The following PHACTR3 variants were observed in gnomAD, a reference collection of about 807,000 sequenced individuals.
PHACTR3 encodes protein phosphatase 1, regulatory subunit 123.
Under a neutral mutation model 66.8 loss-of-function variants are expected in PHACTR3, and 16 were observed. The ratio of observed to expected loss-of-function variants is 0.24; its 90% CI spans 0.16 to 0.36. The LOEUF (loss-of-function observed/expected upper bound fraction) is 0.36. Among genes scored for constraint, PHACTR3 ranks in the 10% least tolerant of loss-of-function variants. PHACTR3 has a pLI of 1.00. For synonymous variants in PHACTR3, 323 were observed against 292.1 expected (o/e 1.11, Z -1.08); for missense variants, 647 against 719.9 (o/e 0.90, Z 1.16).
At position 59,642,985 on chromosome 20, in the gene PHACTR3, C is replaced by A. The variant is rs143202948; in HGVS notation, c.118+37853C>A. 3.0e-3 allele frequency among the ~76,000 whole-genome samples: 457 copies of A among 152,252 alleles called. 1 individual carries two copies. Among genetic ancestry groups the A allele is most frequent in the Middle Eastern group, 0.014 (4 of 294 alleles). On this transcript the variant is annotated intron_variant, in intron 1 of 12. Transcript: ENST00000371015. Reference sequence around the variant, plus strand: ...GGAGTGCAGTGGCACGATCTTGGCTCACTGCAAGCACCACCTCCCAGGTTC... The same window carrying A: ...GGAGTGCAGTGGCACGATCTTGGCTAACTGCAAGCACCACCTCCCAGGTTC...
At chr20:59,776,816 C>G (rs1257539932) in intron 7 of PHACTR3, among the ~76,000 whole-genome samples, 2 of 150,148 alleles carry the variant, frequency 1.3e-5, no homozygotes, top group Non-Finnish European at 3.0e-5. Context: ...CAAAGCACAT[C>G]TAGCAGCACC....
At chr20:59,655,829 T>TTGC (rs940762768) in intron 1 of PHACTR3, among the ~76,000 whole-genome samples, 1 of 151,890 alleles carries the variant, frequency 6.6e-6, no homozygotes, top group African/African-American at 2.4e-5. Context: ...TTCATAAATT[T>TTGC]TGCTTCATTG....
At chr20:59,823,788 A>G (rs1405823373) in intron 8 of PHACTR3, among the ~76,000 whole-genome samples, 3 of 152,136 alleles carry the variant, frequency 2.0e-5, no homozygotes, top group African/African-American at 4.8e-5. Context: ...GCCTCTACTG[A>G]CTCCAAAGCT....
intron 7 of PHACTR3, among the ~76,000 whole-genome samples, chr20:59,784,131 G>A (rs1268481205): frequency 6.6e-6 from 1 of 152,150 alleles, no homozygotes; most frequent in Non-Finnish European, 1.5e-5. Context: ...TCAGTTAAAG[G>A]TTTGAGAATA....
At chr20:59,744,951 C>T (rs1395257131) in intron 2 of PHACTR3, among the ~76,000 whole-genome samples, 1 of 152,146 alleles carries the variant, frequency 6.6e-6, no homozygotes, top group African/African-American at 2.4e-5. Flanking sequence ...GCTAGGTGGG[C>T]GGGTTCCATT....
At chr20:59,813,899 C>T (rs964055371) in intron 8 of PHACTR3, among the ~76,000 whole-genome samples, 2 of 152,216 alleles carry the variant, frequency 1.3e-5, no homozygotes, top group Non-Finnish European at 2.9e-5. Flanking sequence ...GGCACAGCCT[C>T]GCCATTACCC....
rs373024845 is a variant in PHACTR3 at position 59,774,504 on chromosome 20, G to A, written c.1174+14G>A. ...CCATTATTTCTGGTGAGGAAAGGAT[G>A]GCCCATTAAGTGTGGGGATCTCGGC... On this transcript the variant is annotated intron_variant, in intron 7 of 12. Transcript: ENST00000371015. 1 of 1,610,962 alleles carries A rather than the reference G, an allele frequency of 6.2e-7. No homozygotes were observed.
chr20:59,634,103 T>A (rs2034766197), intron 1 of PHACTR3, among the ~76,000 whole-genome samples: 1 of 152,210 alleles, frequency 6.6e-6, no homozygotes, highest in African/African-American at 2.4e-5. Flanking sequence ...CCTTATTGCC[T>A]GGGAGATAGA....
At chr20:59,776,303 G>A (rs1024492131) in intron 7 of PHACTR3, among the ~76,000 whole-genome samples, 4 of 152,228 alleles carry the variant, frequency 2.6e-5, no homozygotes, top group Non-Finnish European at 4.4e-5. Context: ...GTAAACTGAG[G>A]CATAGGGAGG....
At chr20:59,618,841 A>T (rs2034128434) in intron 1 of PHACTR3, among the ~76,000 whole-genome samples, 1 of 151,946 alleles carries the variant, frequency 6.6e-6, no homozygotes, top group South Asian at 2.1e-4. Context: ...GTGCTGTCTC[A>T]CCCTGAGCAG....
intron 9 of PHACTR3, 126 bp from the exon 10 acceptor site, chr20:59,840,243 G>A (rs1600755088): frequency 7.8e-6 from 11 of 1,409,722 alleles, no homozygotes; most frequent in Non-Finnish European, 9.4e-6. Flanking sequence ...AACACCATGA[G>A]TGATGTGGAA....
At chr20:59,842,577 A>C (rs2145522115) in intron 11 of PHACTR3, among the ~76,000 whole-genome samples, 1 of 152,304 alleles carries the variant, frequency 6.6e-6, no homozygotes, top group South Asian at 2.1e-4. Flanking sequence ...TTTCAGTCTC[A>C]TCAGGTCCCT....
intron 1 of PHACTR3, among the ~76,000 whole-genome samples, chr20:59,742,868 C>T (rs1365181270): frequency 3.3e-5 from 5 of 152,064 alleles, no homozygotes; most frequent in African/African-American, 4.8e-5. Context: ...TGGCGGAAGG[C>T]GAAGGCTTCT....
intron 1 of PHACTR3, among the ~76,000 whole-genome samples, chr20:59,582,609 T>G (rs2032894604): frequency 6.6e-6 from 1 of 152,212 alleles, no homozygotes; most frequent in African/African-American, 2.4e-5. Flanking sequence ...CATTCTGAAA[T>G]TTTGCCAATC....
At chr20:59,781,659 C>A (rs1184999187) in intron 7 of PHACTR3, among the ~76,000 whole-genome samples, 1 of 152,204 alleles carries the variant, frequency 6.6e-6, no homozygotes, top group African/African-American at 2.4e-5. Flanking sequence ...ATAAACTATA[C>A]ATTAGGGGTA....
At chr20:59,836,669 T>TGCTCCCA in intron 9 of PHACTR3, 109 bp downstream of exon 9, 1 of 1,076,006 alleles carries the variant, frequency 9.3e-7, no homozygotes, top group Non-Finnish European at 1.3e-6. Flanking sequence ...GAATGCTCCA[T>TGCTCCCA]GCTCCCAGTA....
chr20:59,676,387 G>A (rs928567292), intron 1 of PHACTR3, among the ~76,000 whole-genome samples: 1 of 152,224 alleles, frequency 6.6e-6, no homozygotes, highest in African/African-American at 2.4e-5. Flanking sequence ...TGAGCAGAGG[G>A]GAGGCTTGTT....
chr20:59,721,761 A>C (rs921104593), intron 1 of PHACTR3, among the ~76,000 whole-genome samples: 3 of 152,170 alleles, frequency 2.0e-5, no homozygotes, highest in Non-Finnish European at 2.9e-5. Flanking sequence ...GGGCGGAGGA[A>C]CTTGAACACA....
At chr20:59,781,430 G>A (rs1264153796) in intron 7 of PHACTR3, among the ~76,000 whole-genome samples, 1 of 152,320 alleles carries the variant, frequency 6.6e-6, no homozygotes, top group African/African-American at 2.4e-5. Context: ...CCCTGGGCAG[G>A]TGGTGGCACA....
Sources: gnomAD v4.1 joint callset for allele counts (sites outside exome capture counted in the v4.1 genomes callset) on GRCh38, gnomAD v4.1.1 for gene constraint, MANE v1.5 for transcripts, NCBI Gene and HGNC (gene_info 2026-07-23, HGNC 2026-07-21) for gene names.